The following OR4F5 variants were observed in gnomAD, a reference collection of about 807,000 sequenced individuals.
The protein encoded by OR4F5 is olfactory receptor 4F5.
OR4F5 carries 1 observed loss-of-function variant against 5.8 expected under a neutral mutation model. The observed-to-expected ratio is 0.17, with a 90% CI of 0.06 to 0.82. OR4F5 has a LOEUF of 0.82. Ranked by LOEUF, OR4F5 falls within the 40% of genes least tolerant of loss-of-function variation. OR4F5 has a pLI of 0.72. For missense variants in OR4F5, 47 were observed against 175.5 expected (o/e 0.27, Z 4.14); for synonymous variants, 18 against 63.7 (o/e 0.28, Z 3.42).
At chr1:67,154 C>T (rs1238540636) in intron 2 of OR4F5, among the ~76,000 whole-genome samples, 1 of 117,118 alleles carries the variant, frequency 8.5e-6, no homozygotes, top group African/African-American at 2.6e-5. Context: ...CCAGTCAGGA[C>T]AGAAATTATC....
At chr1:67,167 A>G (rs1639956673) in intron 2 of OR4F5, among the ~76,000 whole-genome samples, 1 of 118,396 alleles carries the variant, frequency 8.4e-6, no homozygotes, top group African/African-American at 2.6e-5. Context: ...AAATTATCTC[A>G]CAATAAAAAT....
At chr1:66,436 T>TA (rs1639944794) in intron 2 of OR4F5, among the ~76,000 whole-genome samples, 1 of 54,182 alleles carries the variant, frequency 1.8e-5, no homozygotes, top group East Asian at 2.6e-4. Flanking sequence ...TAAATATATA[T>TA]TATATTATAT....
chr1:70,447 A>G lies in OR4F5; in HGVS notation c.*439A>G, dbSNP rs1185336471. 3.2e-3 allele frequency: 317 copies of G among 98,774 alleles called. 1 individual carries two copies. Among genetic ancestry groups the G allele is most frequent in the African/African-American group, 9.3e-3 (307 of 33,026 alleles). The allele number at this position is 98,774 out of a possible 1,614,324, so 6.1% of individuals were successfully genotyped here. A position where few individuals can be genotyped will look rare whatever the true frequency, so the allele number is the denominator to read the frequency against. On this transcript the variant is annotated 3_prime_UTR_variant, in exon 3 of 3. Transcript: ENST00000641515. ...TATATGCTTAGTGGTAAGGAGATAT[A>G]TGTCAACTTTTAAGAGGTTGAAAAA... is the stretch of plus-strand genomic sequence containing the variant.
chr1:66,190 ATT>A, intron 2 of OR4F5, among the ~76,000 whole-genome samples: 1 of 90,068 alleles, frequency 1.1e-5, no homozygotes, highest in African/African-American at 3.4e-5. Flanking sequence ...TATACTATAT[ATT>A]TATATATATT....
Position 67,230 on chromosome 1 carries a change from A to C in OR4F5, c.9+1657A>C, listed in dbSNP as rs547023700. Among the ~76,000 whole-genome samples, 116 of 118,044 alleles carry C rather than the reference A, an allele frequency of 9.8e-4. 28 individuals carry two copies. Among genetic ancestry groups the C allele is most frequent in the Middle Eastern group, 5.0e-3 (1 of 202 alleles). The allele number at this position is 118,044 out of a possible 152,430, so 77.4% of individuals were successfully genotyped here. ...TATGATTATATTTATTACCGTGCTAAGCAGAAGAGAAATGAAGTGAATGTT... is the reference window on the plus strand; with the variant it reads ...TATGATTATATTTATTACCGTGCTACGCAGAAGAGAAATGAAGTGAATGTT... On this transcript the variant is annotated intron_variant, in intron 2 of 2. Coordinates refer to ENST00000641515, the MANE Select transcript of OR4F5 (RefSeq NM_001005484.2).
chr1:66,629 T>A (rs1268341437), intron 2 of OR4F5, among the ~76,000 whole-genome samples: 1 of 101,276 alleles, frequency 9.9e-6, no homozygotes, highest in African/African-American at 3.1e-5. Context: ...ATATTATATA[T>A]AATTCTAATG....
intron 2 of OR4F5, among the ~76,000 whole-genome samples, chr1:66,854 A>G: frequency 9.3e-6 from 1 of 107,174 alleles, no homozygotes; most frequent in East Asian, 2.0e-4. Context: ...ATGGTGGTGA[A>G]GGATCCCCTC....
At chr1:67,161 T>C (rs1386176190) in intron 2 of OR4F5, among the ~76,000 whole-genome samples, 1 of 117,854 alleles carries the variant, frequency 8.5e-6, no homozygotes, top group Non-Finnish European at 2.1e-5. Flanking sequence ...GGACAGAAAT[T>C]ATCTCACAAT....
intron 2 of OR4F5, among the ~76,000 whole-genome samples, chr1:66,428 AAT>A (rs1639944477): frequency 3.8e-5 from 2 of 52,376 alleles, no homozygotes; most frequent in African/African-American, 6.1e-5. Context: ...TTATTATATA[AAT>A]ATATATTATA....
Position 68,340 on chromosome 1 carries a change from G to A in OR4F5, c.10-697G>A, listed in dbSNP as rs560205544. ...ATTGTTAGGCTTAAAATAATTACTT[G>A]GCTTCATTTCCAAGCTCCCTCCCTT... On this transcript the variant is annotated intron_variant, in intron 2 of 2. Coordinates refer to ENST00000641515, the MANE Select transcript of OR4F5 (RefSeq NM_001005484.2). Among the ~76,000 whole-genome samples the A allele has an allele frequency of 5.4e-5, 6 of 110,726 alleles. 1 individual carries two copies. The East Asian group carries it at 8.0e-4, about 15-fold the overall frequency. The allele number at this position is 110,726 out of a possible 152,430, so 72.6% of individuals were successfully genotyped here.
At chr1:66,512 A>G (rs1334404983) in intron 2 of OR4F5, among the ~76,000 whole-genome samples, 1 of 76,060 alleles carries the variant, frequency 1.3e-5, no homozygotes, top group African/African-American at 4.0e-5. Flanking sequence ...TTTATTATAT[A>G]ATATATATTA....
rs190717287 is a variant in OR4F5 at position 69,534 on chromosome 1, T to C, written c.507T>C (p.His169=). Reference sequence around the variant, plus strand: ...TCACATGGGGAATTGGCTTTCTCCATTCGGTGAGCCAGTTGGCGTTTGCCG... The same window carrying C: ...TCACATGGGGAATTGGCTTTCTCCACTCGGTGAGCCAGTTGGCGTTTGCCG... ...MAVTWGIGFL[H]SVSQLAFAVH... The change falls in exon 3 of 3, where the codon CAT becomes CAC. Residue 169 remains histidine (H), a synonymous_variant. Coordinates refer to ENST00000641515, the MANE Select transcript of OR4F5 (RefSeq NM_001005484.2). 86 of 1,014,720 alleles carry C rather than the reference T, an allele frequency of 8.5e-5. 15 individuals are homozygous for C. The East Asian group carries it at 1.9e-3, about 23-fold the overall frequency. 62.9% of individuals were successfully genotyped at this position (1,014,720 alleles called of 1,614,324 possible). A position where few individuals can be genotyped will look rare whatever the true frequency, so the allele number is the denominator to read the frequency against.
intron 2 of OR4F5, among the ~76,000 whole-genome samples, chr1:66,924 A>G (rs2100335217): frequency 9.4e-6 from 1 of 105,904 alleles, no homozygotes; most frequent in Admixed American, 1.0e-4. Context: ...TCCTTTTGCT[A>G]AAGAATAGCA....
chr1:66,312 A>C (rs866948932), intron 2 of OR4F5, among the ~76,000 whole-genome samples: 1 of 19,754 alleles, frequency 5.1e-5, no homozygotes, highest in Non-Finnish European at 1.5e-4. Context: ...ATATAATATA[A>C]ATTATATAAA....
At chr1:66,424 T>C (rs1639944248) in intron 2 of OR4F5, among the ~76,000 whole-genome samples, 1 of 75,844 alleles carries the variant, frequency 1.3e-5, no homozygotes, top group African/African-American at 4.6e-5. Context: ...TATTTTATTA[T>C]ATAAATATAT....
intron 2 of OR4F5, among the ~76,000 whole-genome samples, chr1:66,551 A>G (rs1639950276): frequency 1.2e-5 from 1 of 83,710 alleles, no homozygotes; most frequent in Non-Finnish European, 2.6e-5. Flanking sequence ...TATATATAAC[A>G]TATATTATTA....
intron 2 of OR4F5, among the ~76,000 whole-genome samples, chr1:66,577 A>ATATATATTATATAAATATATT (rs1268759882): frequency 1.7e-5 from 1 of 57,508 alleles, no homozygotes; most frequent in African/African-American, 5.2e-5. Context: ...AATATGTATA[A>ATATATATTATATAAATATATT]TATATATTAT....
Position 69,558 on chromosome 1 carries a change from C to A in OR4F5, c.531C>A (p.Ala177=). ...FLHSVSQLAF[A]VHLLFCGPNE... is the part of the protein sequence containing the mutation. ...ATTCGGTGAGCCAGTTGGCGTTTGC[C>A]GTGCACTTACTCTTCTGTGGTCCCA... Residue 177 remains alanine (A), a synonymous_variant, in exon 3 of 3, where the codon GCC becomes GCA. Coordinates refer to ENST00000641515, the MANE Select transcript of OR4F5 (RefSeq NM_001005484.2). 5.8e-6 allele frequency: 6 copies of A among 1,029,628 alleles called. 2 individuals carry two copies. The highest frequency in any genetic ancestry group is 8.2e-6 in the Non-Finnish European group (6 of 734,266). The allele number at this position is 1,029,628 out of a possible 1,614,324, so 63.8% of individuals were successfully genotyped here. A position where few individuals can be genotyped will look rare whatever the true frequency, so the allele number is the denominator to read the frequency against.
chr1:66,596 ATTT>A (rs1639951290), intron 2 of OR4F5, among the ~76,000 whole-genome samples: 3 of 88,684 alleles, frequency 3.4e-5, no homozygotes, highest in Admixed American at 1.8e-4. Flanking sequence ...ATATAAATAT[ATTT>A]ATATATTATA....
Sources: gnomAD v4.1 joint callset for allele counts (sites outside exome capture counted in the v4.1 genomes callset) on GRCh38, gnomAD v4.1.1 for gene constraint, MANE v1.5 for transcripts, NCBI Gene and HGNC (gene_info 2026-07-23, HGNC 2026-07-21) for gene names.